The following KCNQ3 variants were observed in gnomAD, a reference collection of about 807,000 sequenced individuals.
KCNQ3 encodes potassium voltage-gated channel subfamily KQT member 3.
A neutral mutation model predicts 92.5 loss-of-function variants in KCNQ3; 30 were observed. The observed-to-expected ratio is 0.32, with a 90% confidence interval of 0.24 to 0.44. KCNQ3 has a LOEUF of 0.44. Ranked by LOEUF, KCNQ3 falls within the 20% of genes least tolerant of loss-of-function variation. The pLI is 1.00. For missense variants in KCNQ3, 913 were observed against 1,140.3 expected (o/e 0.80, Z 2.87); for synonymous variants, 450 against 468.8 (o/e 0.96, Z 0.52).
chr8:132,313,359 G>A (rs991812225), intron 1 of KCNQ3, among the ~76,000 whole-genome samples: 5 of 152,160 alleles, frequency 3.3e-5, no homozygotes, highest in African/African-American at 1.2e-4. Flanking sequence ...AATTCACAAG[G>A]AAAGGAGAAC....
chr8:132,281,588 A>T (rs1816518772), intron 1 of KCNQ3, among the ~76,000 whole-genome samples: 1 of 151,586 alleles, frequency 6.6e-6, no homozygotes, highest in South Asian at 2.1e-4. Flanking sequence ...GACCTACTTC[A>T]TTCCATCTCC....
chr8:132,392,162 G>T (rs2673590), intron 1 of KCNQ3, among the ~76,000 whole-genome samples: 55,872 of 151,990 alleles, frequency 0.37, 11,562 homozygotes, highest in Middle Eastern at 0.51. Flanking sequence ...CCTAAATTGA[G>T]TCACTTTCTT....
At chr8:132,363,112 A>G (rs1737034315) in intron 1 of KCNQ3, among the ~76,000 whole-genome samples, 1 of 152,186 alleles carries the variant, frequency 6.6e-6, no homozygotes, top group South Asian at 2.1e-4. Flanking sequence ...TGCAGAAGCA[A>G]GCAGTTCACT....
chr8:132,278,734 T>C (rs1403388869), intron 1 of KCNQ3, among the ~76,000 whole-genome samples: 1 of 152,212 alleles, frequency 6.6e-6, no homozygotes, highest in Non-Finnish European at 1.5e-5. Flanking sequence ...TCCATTTTAA[T>C]GAGAACAACA....
chr8:132,391,456 A>T (rs1405576668), intron 1 of KCNQ3, among the ~76,000 whole-genome samples: 1 of 152,038 alleles, frequency 6.6e-6, no homozygotes, highest in Non-Finnish European at 1.5e-5. Context: ...ATATGTGCCC[A>T]GCTAACAAAT....
chr8:132,230,457 GAGA>G (rs929949163), intron 1 of KCNQ3, among the ~76,000 whole-genome samples: 3 of 145,414 alleles, frequency 2.1e-5, no homozygotes, highest in African/African-American at 8.2e-5. Context: ...GACAGAGAGA[GAGA>G]GAGAGAGAGA....
At chr8:132,453,357 G>A (rs1427825963) in intron 1 of KCNQ3, among the ~76,000 whole-genome samples, 1 of 152,216 alleles carries the variant, frequency 6.6e-6, no homozygotes, top group Admixed American at 6.5e-5. Context: ...GCCGGTTGGA[G>A]AATGGATGGG....
chr8:132,234,930 T>G (rs1231180767), intron 1 of KCNQ3, among the ~76,000 whole-genome samples: 1 of 152,212 alleles, frequency 6.6e-6, no homozygotes, highest in Non-Finnish European at 1.5e-5. Flanking sequence ...CAGTCCAGAA[T>G]GTAAATCACA....
intron 1 of KCNQ3, among the ~76,000 whole-genome samples, chr8:132,374,273 G>A (rs1819552860): frequency 6.6e-6 from 1 of 152,140 alleles, no homozygotes; most frequent in Non-Finnish European, 1.5e-5. Context: ...TCATGGTGAT[G>A]TTGTAAAGAC....
chr8:132,346,614 G>A (rs1818696048), intron 1 of KCNQ3, among the ~76,000 whole-genome samples: 1 of 152,192 alleles, frequency 6.6e-6, no homozygotes, highest in South Asian at 2.1e-4. Context: ...TACTATATTT[G>A]AGCTGCAACT....
intron 1 of KCNQ3, among the ~76,000 whole-genome samples, chr8:132,377,210 GCT>G: frequency 6.6e-6 from 1 of 152,254 alleles, no homozygotes; most frequent in South Asian, 2.1e-4. Flanking sequence ...GGGCAAATTT[GCT>G]CTCTCTGCTT....
intron 1 of KCNQ3, among the ~76,000 whole-genome samples, chr8:132,242,602 A>T (rs1815031878): frequency 6.6e-6 from 1 of 152,236 alleles, no homozygotes. Context: ...TGTAAGTGAT[A>T]GGAACCTAAA....
chr8:132,199,637 C>T (rs947317574), intron 1 of KCNQ3, among the ~76,000 whole-genome samples: 11 of 152,106 alleles, frequency 7.2e-5, no homozygotes, highest in African/African-American at 2.4e-4. Flanking sequence ...GGGTGAGGTG[C>T]GGTGGCTCAC....
chr8:132,160,439 T>G (rs901400805), intron 9 of KCNQ3, among the ~76,000 whole-genome samples: 1 of 152,198 alleles, frequency 6.6e-6, no homozygotes, highest in Non-Finnish European at 1.5e-5. Context: ...ATTAGGTCAT[T>G]TTTTATAGTC....
intron 1 of KCNQ3, among the ~76,000 whole-genome samples, chr8:132,187,617 G>A (rs568802535): frequency 9.9e-5 from 15 of 151,364 alleles, no homozygotes; most frequent in East Asian, 7.7e-4. Flanking sequence ...CTCAGTTGAC[G>A]ATGATGATGG....
intron 1 of KCNQ3, among the ~76,000 whole-genome samples, chr8:132,242,714 T>C (rs11995895): frequency 0.44 from 67,534 of 152,160 alleles, 17,206 homozygotes; most frequent in East Asian, 0.73. Flanking sequence ...ACCAAATGAA[T>C]ATTTATCGAA....
intron 1 of KCNQ3, among the ~76,000 whole-genome samples, chr8:132,364,150 G>A (rs533382219): frequency 3.3e-5 from 5 of 151,990 alleles, no homozygotes; most frequent in East Asian, 1.9e-4. Flanking sequence ...TCATCACATC[G>A]AACATAAGGC....
chr8:132,296,367 T>C (rs1817020649), intron 1 of KCNQ3, among the ~76,000 whole-genome samples: 1 of 152,034 alleles, frequency 6.6e-6, no homozygotes. Context: ...TTGGTCTTTC[T>C]GACTCCAAAG....
At chr8:132,283,090 C>CGTGTG (rs757535563) in intron 1 of KCNQ3, among the ~76,000 whole-genome samples, 150 of 137,836 alleles carry the variant, frequency 1.1e-3, no homozygotes, top group African/African-American at 3.4e-3. Context: ...CTCTCTCTCT[C>CGTGTG]TCGTGTGTGT....
Sources: gnomAD v4.1 joint callset for allele counts (sites outside exome capture counted in the v4.1 genomes callset) on GRCh38, gnomAD v4.1.1 for gene constraint, MANE v1.5 for transcripts, NCBI Gene and HGNC (gene_info 2026-07-23, HGNC 2026-07-21) for gene names.